Variants in RASAL2 observed in about 807,000 individuals in gnomAD.
RASAL2 encodes the protein RAS protein activator like 2, also known as ras GTPase-activating protein nGAP.
In RASAL2, 58 loss-of-function variants were observed where a neutral mutation model predicts 128.9. The ratio of observed to expected loss-of-function variants is 0.45; its 90% CI spans 0.36 to 0.56. RASAL2 has a LOEUF of 0.56. Ranked by LOEUF, RASAL2 falls within the 20% of genes least tolerant of loss-of-function variation. RASAL2 has a pLI of 0.00. For missense variants in RASAL2, 1,360 were observed against 1,601.6 expected (o/e 0.85, Z 2.57); for synonymous variants, 561 against 580.8 (o/e 0.97, Z 0.49).
At chr1:178,304,780 T>C (rs145901795) in intron 3 of RASAL2, among the ~76,000 whole-genome samples, 118 of 152,316 alleles carry the variant, frequency 7.7e-4, no homozygotes, top group African/African-American at 2.4e-3. Context: ...TTATTTGTTA[T>C]AGTACTGGAA....
intron 15 of RASAL2, 102 bp from the exon 16 acceptor site, chr1:178,465,817 AG>A: frequency 9.1e-7 from 1 of 1,100,312 alleles, no homozygotes; most frequent in Middle Eastern, 2.2e-4. Context: ...AAAAGAAAAA[AG>A]AAAAAGAAAA....
chr1:178,172,387 A>G (rs1388446814), intron 1 of RASAL2, among the ~76,000 whole-genome samples: 4 of 152,008 alleles, frequency 2.6e-5, no homozygotes, highest in Middle Eastern at 3.2e-3. Flanking sequence ...AAAATATTCT[A>G]CAAATTAATC....
chr1:178,466,532 G>A (rs1647719684), intron 16 of RASAL2, among the ~76,000 whole-genome samples: 2 of 152,200 alleles, frequency 1.3e-5, no homozygotes, highest in Non-Finnish European at 2.9e-5. Flanking sequence ...GGGAGAAAAA[G>A]GGAGGGTCAG....
chr1:178,329,387 T>C (rs2102362705), intron 3 of RASAL2, among the ~76,000 whole-genome samples: 1 of 152,246 alleles, frequency 6.6e-6, no homozygotes, highest in South Asian at 2.1e-4. Flanking sequence ...CCTGTGAATT[T>C]CCAATTTAAT....
intron 3 of RASAL2, among the ~76,000 whole-genome samples, chr1:178,386,320 C>G (rs943894297): frequency 1.3e-5 from 2 of 152,174 alleles, no homozygotes; most frequent in African/African-American, 4.8e-5. Flanking sequence ...CATATAAACT[C>G]ATTAATCTTG....
At chr1:178,277,074 C>T (rs1040794319) in intron 1 of RASAL2, among the ~76,000 whole-genome samples, 10 of 139,924 alleles carry the variant, frequency 7.1e-5, no homozygotes, top group South Asian at 2.4e-4. Flanking sequence ...CGTGAACCTG[C>T]GAGGCAGAGC....
intron 1 of RASAL2, among the ~76,000 whole-genome samples, chr1:178,269,123 G>A (rs1666122041): frequency 6.6e-6 from 1 of 152,132 alleles, no homozygotes; most frequent in South Asian, 2.1e-4. Flanking sequence ...AATTTAATAG[G>A]GCCGTTGCCC....
intron 1 of RASAL2, among the ~76,000 whole-genome samples, chr1:178,213,707 T>G (rs1178760788): frequency 1.3e-5 from 2 of 151,524 alleles, no homozygotes; most frequent in African/African-American, 4.8e-5. Flanking sequence ...CTAATCTGTA[T>G]GACAGAAGTG....
At chr1:178,283,725 C>G (rs1462545324) in intron 2 of RASAL2, 34 bp downstream of exon 2, 1 of 1,600,708 alleles carries the variant, frequency 6.2e-7, no homozygotes, top group Admixed American at 1.7e-5. Context: ...AGTTAGTTTC[C>G]TTTTCTGAGT....
chr1:178,167,388 T>C (rs1229014944), intron 1 of RASAL2, among the ~76,000 whole-genome samples: 1 of 152,136 alleles, frequency 6.6e-6, no homozygotes, highest in Non-Finnish European at 1.5e-5. Flanking sequence ...GTTTCAAATA[T>C]AAAGCTGTGC....
rs920194683 is a variant in RASAL2 at position 178,475,337 on chromosome 1, C to A, written c.*2098C>A. On this transcript the variant is annotated 3_prime_UTR_variant, in exon 18 of 18. Transcript: ENST00000367649. The stretch of plus-strand genomic sequence containing the variant: ...ACCTTCTCTCCAAGCGGAGGGCACA[C>A]TGTGGTCAAAATCACTTATTTTATT... 1 of 152,202 alleles carries A rather than the reference C, an allele frequency of 6.6e-6. No individual in the cohort carries two copies. Among genetic ancestry groups the A allele is most frequent in the Non-Finnish European group, 1.5e-5 (1 of 68,034 alleles). 9.4% of individuals were successfully genotyped at this position (152,202 alleles called of 1,614,324 possible). A position where few individuals can be genotyped will look rare whatever the true frequency, so the allele number is the denominator to read the frequency against.
At chr1:178,393,076 T>G (rs934470191) in intron 4 of RASAL2, among the ~76,000 whole-genome samples, 12 of 152,186 alleles carry the variant, frequency 7.9e-5, no homozygotes, top group Admixed American at 2.0e-4. Flanking sequence ...GTATTTGTAC[T>G]CTTATCTAAT....
At chr1:178,428,509 T>C (rs1195674982) in intron 5 of RASAL2, among the ~76,000 whole-genome samples, 1 of 142,650 alleles carries the variant, frequency 7.0e-6, no homozygotes, top group African/African-American at 2.6e-5. Context: ...TTAGAGTTCA[T>C]CTGTGATAGC....
chr1:178,405,847 G>A (rs1419904129), intron 4 of RASAL2, among the ~76,000 whole-genome samples: 1 of 152,200 alleles, frequency 6.6e-6, no homozygotes, highest in African/African-American at 2.4e-5. Context: ...GGTGAGTATA[G>A]TACCTATGTT....
At chr1:178,468,498 AC>A (rs929471168) in intron 17 of RASAL2, among the ~76,000 whole-genome samples, 10 of 152,300 alleles carry the variant, frequency 6.6e-5, no homozygotes, top group African/African-American at 2.2e-4. Context: ...TTATTTTTCA[AC>A]AAAATTGAGA....
In RASAL2 at chr1:178,477,514, GGAA is replaced by G. The variant is rs1648760432; in HGVS notation, c.*4278_*4280del. Reference sequence around the variant, plus strand: ...TCTTAGGAGGAGTGAAAGAACCTGAGGAAGAGACACGACCCTAAGGGAATGAAT... The same window carrying G: ...TCTTAGGAGGAGTGAAAGAACCTGAGGAGACACGACCCTAAGGGAATGAAT... On this transcript the variant is annotated 3_prime_UTR_variant, in exon 18 of 18. Coordinates refer to ENST00000367649, the MANE Select transcript of RASAL2 (RefSeq NM_170692.4). 6.6e-6 allele frequency: 1 copy of G among 152,194 alleles called. No individual in the cohort carries two copies. Among genetic ancestry groups the G allele is most frequent in the Admixed American group, 6.5e-5 (1 of 15,288 alleles). The allele number at this position is 152,194 out of a possible 1,614,324, so 9.4% of individuals were successfully genotyped here. A position where few individuals can be genotyped will look rare whatever the true frequency, so the allele number is the denominator to read the frequency against.
chr1:178,197,320 G>A (rs1420159592), intron 1 of RASAL2, among the ~76,000 whole-genome samples: 2 of 152,170 alleles, frequency 1.3e-5, no homozygotes, highest in African/African-American at 4.8e-5. Context: ...GCTGGGCTTG[G>A]TGGCTCACGT....
rs1648790155 is a variant in RASAL2, at chr1:178,477,909, A to G, written c.*4670A>G. The stretch of plus-strand genomic sequence containing the variant: ...GATATCATTATTGATACCATGGGGA[A>G]TCATAGAAATAAAGTTGAATATCAT... On this transcript the variant is annotated 3_prime_UTR_variant, in exon 18 of 18. Coordinates refer to ENST00000367649, the MANE Select transcript of RASAL2 (RefSeq NM_170692.4). 1 of 152,216 alleles carries G rather than the reference A, an allele frequency of 6.6e-6. No individual in the cohort carries two copies. The highest frequency in any genetic ancestry group is 2.1e-4 in the South Asian group (1 of 4,834). The allele number at this position is 152,216 out of a possible 1,614,324, so 9.4% of individuals were successfully genotyped here. A position where few individuals can be genotyped will look rare whatever the true frequency, so the allele number is the denominator to read the frequency against.
intron 1 of RASAL2, among the ~76,000 whole-genome samples, chr1:178,135,956 T>C (rs1249187422): frequency 1.3e-5 from 2 of 152,102 alleles, no homozygotes; most frequent in Non-Finnish European, 2.9e-5. Flanking sequence ...TCCCACAACA[T>C]GTGGGAATTA....
Sources: allele counts gnomAD v4.1 joint callset (sites outside exome capture counted in the v4.1 genomes callset), GRCh38; gene constraint gnomAD v4.1.1; transcripts MANE v1.5; gene names NCBI Gene and HGNC (gene_info 2026-07-23, HGNC 2026-07-21).